SYNPR: variants seen among roughly 807,000 people sequenced by gnomAD.
SYNPR encodes the protein synaptoporin.
Under a neutral mutation model 32.9 loss-of-function variants are expected in SYNPR, and 23 were observed. That is an observed-to-expected ratio of 0.70 (90% confidence interval 0.50 to 0.99). SYNPR has a LOEUF of 0.99. Ranked by LOEUF, SYNPR falls within the 50% of genes least tolerant of loss-of-function variation. SYNPR has a pLI of 0.00. For synonymous variants in SYNPR, 146 were observed against 135.9 expected, an observed-to-expected ratio of 1.07 and a Z score of -0.52; for missense variants, 318 against 349.3, an observed-to-expected ratio of 0.91 and a Z score of 0.71.
intron 2 of SYNPR, among the ~76,000 whole-genome samples, chr3:63,410,158 C>A (rs748515937): frequency 1.3e-5 from 2 of 152,190 alleles, no homozygotes; most frequent in Non-Finnish European, 2.9e-5. Flanking sequence ...TCCATTTATT[C>A]ATTCAACAGG....
At chr3:63,336,001 C>A (rs1410666841) in intron 2 of SYNPR, among the ~76,000 whole-genome samples, 2 of 152,020 alleles carry the variant, frequency 1.3e-5, no homozygotes, top group Non-Finnish European at 2.9e-5. Context: ...GCCTTGAACT[C>A]CTAACCTCAG....
chr3:63,431,719 C>T (rs1699998226), intron 2 of SYNPR, among the ~76,000 whole-genome samples: 1 of 150,460 alleles, frequency 6.6e-6, no homozygotes, highest in South Asian at 2.1e-4. Context: ...TCATCAAGCC[C>T]ATTAAAAACA....
At chr3:63,513,004 A>T (rs189908188) in intron 3 of SYNPR, among the ~76,000 whole-genome samples, 1 of 152,182 alleles carries the variant, frequency 6.6e-6, no homozygotes, top group East Asian at 1.9e-4. Flanking sequence ...AAATGTCTAG[A>T]TCTGAATACT....
At chr3:63,231,618 C>T (rs183569845) in intron 1 of SYNPR, among the ~76,000 whole-genome samples, 1 of 152,322 alleles carries the variant, frequency 6.6e-6, no homozygotes, top group East Asian at 1.9e-4. Context: ...TCTCACAGGG[C>T]TAGCACCATT....
intron 2 of SYNPR, among the ~76,000 whole-genome samples, chr3:63,341,857 T>C (rs967969993): frequency 6.6e-6 from 1 of 152,198 alleles, no homozygotes; most frequent in African/African-American, 2.4e-5. Flanking sequence ...ATGTTTTTAA[T>C]GTTAATGGAG....
the SYNPR span, among the ~76,000 whole-genome samples, chr3:63,205,454 A>G: frequency 6.6e-6 from 1 of 152,230 alleles, no homozygotes; most frequent in Non-Finnish European, 1.5e-5. Flanking sequence ...GAAGCAAACA[A>G]AAACTCCCTT....
intron 2 of SYNPR, among the ~76,000 whole-genome samples, chr3:63,460,783 A>G (rs1380588241): frequency 6.6e-6 from 1 of 151,992 alleles, no homozygotes; most frequent in East Asian, 1.9e-4. Flanking sequence ...AAAGGAGGCG[A>G]CACAGTCAGA....
At chr3:63,557,395 A>G (rs1002355445) in intron 4 of SYNPR, among the ~76,000 whole-genome samples, 2 of 152,208 alleles carry the variant, frequency 1.3e-5, no homozygotes, top group African/African-American at 4.8e-5. Flanking sequence ...TTTTACTGTC[A>G]TCTTTCTTAA....
chr3:63,424,746 G>A (rs935430326), intron 2 of SYNPR, among the ~76,000 whole-genome samples: 3 of 152,050 alleles, frequency 2.0e-5, no homozygotes, highest in African/African-American at 4.8e-5. Flanking sequence ...TGGAGGGAGG[G>A]GAGCTATTAG....
At chr3:63,524,534 T>C (rs993035770) in intron 3 of SYNPR, among the ~76,000 whole-genome samples, 7 of 152,056 alleles carry the variant, frequency 4.6e-5, no homozygotes, top group African/African-American at 1.4e-4. Context: ...TGTTTTTGTC[T>C]CCCAATGTCT....
intron 2 of SYNPR, among the ~76,000 whole-genome samples, chr3:63,386,398 C>A (rs1260151872): frequency 6.6e-6 from 1 of 152,190 alleles, no homozygotes; most frequent in Non-Finnish European, 1.5e-5. Context: ...AAGGCATGGG[C>A]AGTGCCAAGT....
At chr3:63,348,695 TC>T (rs1215847244) in intron 2 of SYNPR, among the ~76,000 whole-genome samples, 4 of 152,234 alleles carry the variant, frequency 2.6e-5, no homozygotes, top group Non-Finnish European at 4.4e-5. Flanking sequence ...CATCTTCAAT[TC>T]GTTTTTTATA....
intron 3 of SYNPR, among the ~76,000 whole-genome samples, chr3:63,523,659 T>C (rs12490926): frequency 0.55 from 83,673 of 152,060 alleles, 23,171 homozygotes; most frequent in South Asian, 0.69. Flanking sequence ...ATGTCAGAAA[T>C]AGCCATCTTA....
chr3:63,310,806 T>G (rs1033783783), intron 2 of SYNPR, among the ~76,000 whole-genome samples: 3 of 151,958 alleles, frequency 2.0e-5, no homozygotes, highest in Admixed American at 2.0e-4. Flanking sequence ...GGCTTGAAAG[T>G]CAGGAGGGCT....
upstream of SYNPR, among the ~76,000 whole-genome samples, chr3:63,225,099 G>C (rs150821279): frequency 8.1e-4 from 124 of 152,320 alleles, 1 homozygote; most frequent in African/African-American, 2.8e-3. Context: ...ACCTGTGGGA[G>C]CCAGGACCTC....
At chr3:63,424,001 A>G (rs1386509572) in intron 2 of SYNPR, among the ~76,000 whole-genome samples, 1 of 152,222 alleles carries the variant, frequency 6.6e-6, no homozygotes, top group African/African-American at 2.4e-5. Flanking sequence ...AAATCTGAGA[A>G]ACAGTCTAAA....
chr3:63,530,679 C>G (rs553925823), intron 3 of SYNPR, among the ~76,000 whole-genome samples: 1 of 152,066 alleles, frequency 6.6e-6, no homozygotes. Context: ...AGAAGCTCTG[C>G]GGTGGGCACT....
rs530166593 is a variant in SYNPR at position 63,615,883 on chromosome 3, T to A, written c.*402T>A. ...TGTTATAATAATTTCTAGAAGACAA[T>A]TTGGTGTATCACAACATGCATGTCT... On this transcript the variant is annotated 3_prime_UTR_variant, in exon 6 of 6. Transcript: ENST00000478300. 1.6e-4 allele frequency: 25 copies of A among 157,972 alleles called. No individual in the cohort carries two copies. The highest frequency in any genetic ancestry group is 3.7e-4 in the Admixed American group (6 of 16,034). The allele number at this position is 157,972 out of a possible 1,614,324, so 9.8% of individuals were successfully genotyped here.
chr3:63,274,784 G>T (rs889056726), upstream of SYNPR, among the ~76,000 whole-genome samples: 4 of 152,158 alleles, frequency 2.6e-5, no homozygotes, highest in Non-Finnish European at 5.9e-5. Context: ...ATATTGAGCA[G>T]CATCTCTTGC....
Sources: allele counts gnomAD v4.1 joint callset (sites outside exome capture counted in the v4.1 genomes callset), GRCh38; gene constraint gnomAD v4.1.1; transcripts MANE v1.5; gene names NCBI Gene and HGNC (gene_info 2026-07-23, HGNC 2026-07-21).